The following KCNC2 variants were observed in gnomAD, a reference collection of about 807,000 sequenced individuals.
KCNC2 encodes voltage-gated potassium channel KCNC2.
A neutral mutation model predicts 44.5 loss-of-function variants in KCNC2; 21 were observed. The ratio of observed to expected loss-of-function variants is 0.47; its 90% CI spans 0.33 to 0.68. The LOEUF is 0.68. Among genes scored for constraint, KCNC2 ranks in the 30% least tolerant of loss-of-function variants. The pLI is 0.01. For synonymous variants in KCNC2, 391 were observed against 339.1 expected (o/e 1.15, Z -1.68); for missense variants, 589 against 826.2 (o/e 0.71, Z 3.52).
At chr12:75,054,262 T>C (rs905331438) in intron 2 of KCNC2, among the ~76,000 whole-genome samples, 2 of 151,748 alleles carry the variant, frequency 1.3e-5, no homozygotes, top group Non-Finnish European at 2.9e-5. Context: ...AGAGGCAATG[T>C]TTTTATTTGT....
At chr12:75,170,787 C>A (rs1891762545) in intron 2 of KCNC2, among the ~76,000 whole-genome samples, 1 of 151,704 alleles carries the variant, frequency 6.6e-6, no homozygotes, top group African/African-American at 2.4e-5. Flanking sequence ...CGTTTCAGGG[C>A]AACACCCAAT....
At chr12:75,122,184 T>C (rs1196212131) in intron 2 of KCNC2, among the ~76,000 whole-genome samples, 1 of 152,100 alleles carries the variant, frequency 6.6e-6, no homozygotes, top group Admixed American at 6.6e-5. Context: ...TATAGATCCA[T>C]GGACAACAGA....
intron 2 of KCNC2, among the ~76,000 whole-genome samples, chr12:75,102,934 C>T (rs1437009636): frequency 6.6e-6 from 1 of 151,966 alleles, no homozygotes. Context: ...TTGAATTTCT[C>T]ATATAATATA....
At chr12:75,091,899 A>T (rs1254256924) in intron 2 of KCNC2, among the ~76,000 whole-genome samples, 1 of 151,730 alleles carries the variant, frequency 6.6e-6, no homozygotes, top group Non-Finnish European at 1.5e-5. Flanking sequence ...GATCTAAACT[A>T]TTTTCTAATT....
At chr12:75,184,232 CAG>C (rs1892787057) in intron 2 of KCNC2, among the ~76,000 whole-genome samples, 2 of 150,826 alleles carry the variant, frequency 1.3e-5, no homozygotes, top group South Asian at 2.1e-4. Flanking sequence ...TTAACTAACA[CAG>C]AGTCTTCCGT....
intron 2 of KCNC2, among the ~76,000 whole-genome samples, chr12:75,112,887 C>T (rs1887361965): frequency 6.6e-6 from 1 of 152,028 alleles, no homozygotes; most frequent in African/African-American, 2.4e-5. Context: ...ATAGGAGGTG[C>T]CACTTTACAA....
intron 2 of KCNC2, among the ~76,000 whole-genome samples, chr12:75,066,876 A>G (rs1435945279): frequency 6.6e-6 from 1 of 152,178 alleles, no homozygotes; most frequent in Non-Finnish European, 1.5e-5. Context: ...AATGTTTTAA[A>G]TCATTTAATC....
At chr12:75,061,270 G>A (rs1366522597) in intron 2 of KCNC2, among the ~76,000 whole-genome samples, 1 of 151,896 alleles carries the variant, frequency 6.6e-6, no homozygotes, top group African/African-American at 2.4e-5. Context: ...GAAGGTTCAT[G>A]AAAACAACAA....
Position 75,207,946 on chromosome 12 carries a change from T to C in KCNC2, c.38A>G (p.Asn13Ser), listed in dbSNP as rs1336769442. The C allele has an allele frequency of 6.2e-7, 1 of 1,612,720 alleles. No homozygotes were observed. Among genetic ancestry groups the C allele is most frequent in the Non-Finnish European group, 8.5e-7 (1 of 1,179,886 alleles). The change falls in exon 2 of 5, where the codon AAT becomes AGT. Residue 13 changes from asparagine to serine, a missense_variant. Physicochemically the swap from Asn to Ser is conservative, Grantham distance 46. Coordinates refer to ENST00000549446, the MANE Select transcript of KCNC2 (RefSeq NM_139137.4). The surrounding 1 kb of genome is among the most constrained non-coding windows in gnomAD (Gnocchi z 4.1). ...GGTTTCGTGCCGGGTGCCCCCGACA[T>C]TGAGGATCACCCTCTCGTTGTTCTC... ...KIENNERVIL[N>S]VGGTRHETYR...
intron 4 of KCNC2, among the ~76,000 whole-genome samples, chr12:75,047,324 T>TA (rs968359103): frequency 3.3e-5 from 5 of 151,934 alleles, no homozygotes; most frequent in Non-Finnish European, 7.4e-5. Context: ...CAAAAGGGAA[T>TA]AAAAAACCTT....
intron 2 of KCNC2, among the ~76,000 whole-genome samples, chr12:75,161,906 A>G (rs1322430829): frequency 6.6e-6 from 1 of 151,804 alleles, no homozygotes; most frequent in Non-Finnish European, 1.5e-5. Context: ...ATTGAGGAAG[A>G]AAGATGCTCT....
At chr12:75,071,361 G>A (rs566485898) in intron 2 of KCNC2, among the ~76,000 whole-genome samples, 16 of 152,160 alleles carry the variant, frequency 1.1e-4, no homozygotes, top group African/African-American at 3.9e-4. Context: ...CACGAATAAA[G>A]GGGTATCCTA....
At chr12:75,199,792 A>C (rs1193244491) in intron 2 of KCNC2, among the ~76,000 whole-genome samples, 1 of 151,870 alleles carries the variant, frequency 6.6e-6, no homozygotes. Flanking sequence ...AAAAATAAAT[A>C]AATCAAACAA....
chr12:75,188,577 G>T (rs951711991), intron 2 of KCNC2, among the ~76,000 whole-genome samples: 6 of 149,002 alleles, frequency 4.0e-5, no homozygotes, highest in Non-Finnish European at 7.4e-5. Flanking sequence ...AAAATAACAA[G>T]GTGGCCGGGC....
At chr12:75,189,743 G>A (rs572752420) in intron 2 of KCNC2, among the ~76,000 whole-genome samples, 1 of 152,282 alleles carries the variant, frequency 6.6e-6, no homozygotes, top group South Asian at 2.1e-4. Flanking sequence ...ATGGTATCAG[G>A]AATGTTGTCT....
intron 2 of KCNC2, among the ~76,000 whole-genome samples, chr12:75,199,601 T>G (rs552093948): frequency 6.6e-6 from 1 of 151,928 alleles, no homozygotes; most frequent in South Asian, 2.1e-4. Flanking sequence ...GGAAATTGTT[T>G]TTTCTGTATT....
At chr12:75,093,729 G>A (rs554164434) in intron 2 of KCNC2, among the ~76,000 whole-genome samples, 1 of 151,544 alleles carries the variant, frequency 6.6e-6, no homozygotes, top group South Asian at 2.1e-4. Flanking sequence ...AATGGCCAAT[G>A]GCAGCTAAAA....
chr12:75,138,689 CG>C (rs1444935793), intron 2 of KCNC2, among the ~76,000 whole-genome samples: 1 of 151,862 alleles, frequency 6.6e-6, no homozygotes, highest in East Asian at 1.9e-4. Flanking sequence ...TATAAGAAAA[CG>C]GGATTCCGGG....
At chr12:75,143,075 C>A (rs721749) in intron 2 of KCNC2, among the ~76,000 whole-genome samples, 1 of 152,080 alleles carries the variant, frequency 6.6e-6, no homozygotes. Flanking sequence ...AGAATGGGTC[C>A]GTCTCAGAGG....
Sources: gnomAD v4.1 joint callset for allele counts (sites outside exome capture counted in the v4.1 genomes callset) on GRCh38, gnomAD v4.1.1 for gene constraint, Gnocchi (gnomAD v3.1) non-coding constraint, MANE v1.5 for transcripts, NCBI Gene and HGNC (gene_info 2026-07-23, HGNC 2026-07-21) for gene names.